The following NPAS3 variants were observed in gnomAD, a reference collection of about 807,000 sequenced individuals.
The protein encoded by NPAS3 is neuronal PAS domain-containing protein 3.
A neutral mutation model predicts 73.1 loss-of-function variants in NPAS3; 14 were observed. The ratio of observed to expected loss-of-function variants is 0.19; its 90% CI spans 0.13 to 0.30. The LOEUF is 0.30. NPAS3 is among the 10% of genes least tolerant of loss of function. The probability of loss-of-function intolerance (pLI) is 1.00; values close to 1 mark genes in which losing one functional copy is unlikely to be tolerated. For missense variants in NPAS3, 1,096 were observed against 1,250.0 expected, an observed-to-expected ratio of 0.88 and a Z score of 1.86; for synonymous variants, 620 against 541.5, an observed-to-expected ratio of 1.14 and a Z score of -2.01.
chr14:33,000,886 T>C (rs1279198), intron 1 of NPAS3, among the ~76,000 whole-genome samples: 130,223 of 152,178 alleles, frequency 0.86, 55,719 homozygotes, highest in Middle Eastern at 0.89. Flanking sequence ...GGAAATCATT[T>C]TAGGAAGTAA....
chr14:33,353,381 T>C (rs2045172270), intron 3 of NPAS3, among the ~76,000 whole-genome samples: 1 of 152,244 alleles, frequency 6.6e-6, no homozygotes, highest in Non-Finnish European at 1.5e-5. Flanking sequence ...AAATACTTGT[T>C]GCTTTTGTGA....
intron 5 of NPAS3, among the ~76,000 whole-genome samples, chr14:33,638,625 G>T (rs1028246633): frequency 6.6e-6 from 1 of 152,316 alleles, no homozygotes; most frequent in South Asian, 2.1e-4. Context: ...AGTTTTAATT[G>T]CAAGTGAGAA....
intron 3 of NPAS3, among the ~76,000 whole-genome samples, chr14:33,258,371 C>G (rs2048852055): frequency 6.6e-6 from 1 of 152,062 alleles, no homozygotes; most frequent in Non-Finnish European, 1.5e-5. Flanking sequence ...CACTGCACTC[C>G]AACCTGGGTG....
intron 4 of NPAS3, among the ~76,000 whole-genome samples, chr14:33,439,068 A>G (rs1224607276): frequency 6.6e-6 from 1 of 151,664 alleles, no homozygotes; most frequent in Non-Finnish European, 1.5e-5. Context: ...AGCAATACAT[A>G]ATATTATCTT....
intron 1 of NPAS3, among the ~76,000 whole-genome samples, chr14:33,049,945 T>G (rs920301894): frequency 2.6e-5 from 4 of 152,220 alleles, no homozygotes; most frequent in Non-Finnish European, 4.4e-5. Context: ...CCCTCTTAGT[T>G]TTTTTGCTGC....
intron 2 of NPAS3, among the ~76,000 whole-genome samples, chr14:33,057,864 A>G (rs1197854695): frequency 6.6e-6 from 1 of 152,204 alleles, no homozygotes; most frequent in African/African-American, 2.4e-5. Context: ...TATTTTAGTG[A>G]AGATGCTTAT....
At chr14:33,139,375 A>G (rs2043960268) in intron 2 of NPAS3, among the ~76,000 whole-genome samples, 1 of 152,198 alleles carries the variant, frequency 6.6e-6, no homozygotes, top group African/African-American at 2.4e-5. Context: ...CTACATTGTT[A>G]CTTCCAAAAT....
At chr14:33,199,896 G>A (rs576934372) in intron 2 of NPAS3, among the ~76,000 whole-genome samples, 73 of 152,094 alleles carry the variant, frequency 4.8e-4, no homozygotes, top group African/African-American at 1.7e-3. Context: ...CTTTCAACAC[G>A]TACTTATCGA....
intron 3 of NPAS3, among the ~76,000 whole-genome samples, chr14:33,273,979 G>C (rs919900883): frequency 1.3e-5 from 2 of 152,142 alleles, no homozygotes; most frequent in African/African-American, 4.8e-5. Flanking sequence ...TAAAATGTCA[G>C]ACAAATTAAA....
intron 3 of NPAS3, among the ~76,000 whole-genome samples, chr14:33,289,907 GC>G (rs2042030821): frequency 6.6e-6 from 1 of 151,872 alleles, no homozygotes; most frequent in Non-Finnish European, 1.5e-5. Flanking sequence ...CCATCAAAAT[GC>G]TGTCACTACC....
chr14:33,510,806 A>T (rs1184833878), intron 4 of NPAS3, among the ~76,000 whole-genome samples: 1 of 152,072 alleles, frequency 6.6e-6, no homozygotes, highest in African/African-American at 2.4e-5. Flanking sequence ...TGTTATTAAG[A>T]TATTTAGAAA....
chr14:33,792,930 A>G (rs915706181), intron 9 of NPAS3, among the ~76,000 whole-genome samples: 20 of 152,208 alleles, frequency 1.3e-4, no homozygotes, highest in Admixed American at 5.2e-4. Flanking sequence ...GCCAAGTAAT[A>G]ACAGCAGGTT....
chr14:33,800,529 C>A lies in NPAS3; in HGVS notation c.2222C>A (p.Pro741His). The A allele has an allele frequency of 7.2e-7, 1 of 1,380,962 alleles. No homozygotes were observed. Among genetic ancestry groups the A allele is most frequent in the African/African-American group, 1.5e-5 (1 of 64,950 alleles). 85.5% of individuals were successfully genotyped at this position (1,380,962 alleles called of 1,614,324 possible). ...GCCTCGGCCACCGCGGCCCTGGCCC[C>A]CGTCGCCTCCGACCCGCTGTCACCC... The change falls in exon 12 of 12, where the codon CCC becomes CAC. Residue 741 changes from proline (P) to histidine (H), a missense_variant. By Grantham distance (77) the Pro-to-His change is moderately conservative. This residue lies in a region of NPAS3 where 698 missense variants were observed against 676.7 expected (regional missense o/e 1.03). Coordinates refer to ENST00000356141, the Ensembl canonical transcript of NPAS3. The surrounding 1 kb of genome is among the most constrained non-coding windows in gnomAD (Gnocchi z 6.5).
At chr14:33,295,113 A>C (rs1433135060) in intron 3 of NPAS3, among the ~76,000 whole-genome samples, 1 of 152,234 alleles carries the variant, frequency 6.6e-6, no homozygotes. Flanking sequence ...GGGATCCCAA[A>C]ACGTAGCTAT....
rs886817329 is a variant in NPAS3, at chr14:33,105,214, C to T, written c.140+49220C>T. 6.6e-5 allele frequency among the ~76,000 whole-genome samples: 10 copies of T among 152,172 alleles called. No individual in the cohort carries two copies. The South Asian group carries it at 2.1e-3, about 32-fold the overall frequency. On this transcript the variant is annotated intron_variant, in intron 2 of 11. Coordinates refer to ENST00000356141, the Ensembl canonical transcript of NPAS3. Reference sequence around the variant, plus strand: ...ATTTGTAGTTATTTATGCAAATGATCACATTAAACATATAACCAAGTGACG... The same window carrying T: ...ATTTGTAGTTATTTATGCAAATGATTACATTAAACATATAACCAAGTGACG...
intron 4 of NPAS3, among the ~76,000 whole-genome samples, chr14:33,537,842 A>G (rs886401567): frequency 6.6e-6 from 1 of 152,264 alleles, no homozygotes; most frequent in Non-Finnish European, 1.5e-5. Flanking sequence ...ACTGCAGAGA[A>G]GAGGGGAGCC....
intron 3 of NPAS3, among the ~76,000 whole-genome samples, chr14:33,303,245 TGGG>T (rs2042625085): frequency 6.6e-6 from 1 of 152,038 alleles, no homozygotes; most frequent in African/African-American, 2.4e-5. Context: ...TCGAACAGAG[TGGG>T]TACTAAGGTA....
rs151159843 is a variant in NPAS3 at position 33,682,017 on chromosome 14, C to G, written c.733+5632C>G. The stretch of plus-strand genomic sequence containing the variant: ...ATTACTGCACCTTTTCAGGAAACTG[C>G]TAATCCTTCAATCTGAATGGCAGTT... On this transcript the variant is annotated intron_variant, in intron 6 of 11. Transcript: ENST00000356141. 3.5e-3 allele frequency among the ~76,000 whole-genome samples: 527 copies of G among 152,298 alleles called. 6 individuals are homozygous for G. The Middle Eastern group carries it at 0.037, about 11-fold the overall frequency.
At chr14:33,092,810 C>A (rs2042273723) in intron 2 of NPAS3, among the ~76,000 whole-genome samples, 1 of 152,056 alleles carries the variant, frequency 6.6e-6, no homozygotes, top group Non-Finnish European at 1.5e-5. Flanking sequence ...TCAGAAATAA[C>A]AACACACATC....
Sources: gnomAD v4.1 joint callset for allele counts (sites outside exome capture counted in the v4.1 genomes callset) on GRCh38, gnomAD v4.1.1 for gene constraint, gnomAD v4.1.1 regional missense constraint, Gnocchi (gnomAD v3.1) non-coding constraint, MANE v1.5 for transcripts, NCBI Gene and HGNC (gene_info 2026-07-23, HGNC 2026-07-21) for gene names.